HOMER2: variants seen among roughly 807,000 people sequenced by gnomAD.
HOMER2 encodes homer protein homolog 2.
In HOMER2, 27 loss-of-function variants were observed where a neutral mutation model predicts 47.0. The observed-to-expected ratio is 0.57, with a 90% CI of 0.42 to 0.79. HOMER2 has a LOEUF of 0.79. Among genes scored for constraint, HOMER2 ranks in the 30% least tolerant of loss-of-function variants. The pLI, the probability that HOMER2 is intolerant of heterozygous loss-of-function variation, is 0.00. For missense variants in HOMER2, 443 were observed against 435.0 expected (o/e 1.02, Z -0.16); for synonymous variants, 161 against 163.8 (o/e 0.98, Z 0.13).
downstream of HOMER2, chr15:82,836,159 CCTTCCTTT>C (rs2051124028): frequency 6.6e-6 from 1 of 152,290 alleles, no homozygotes; most frequent in African/African-American, 2.4e-5. Context: ...AACCTTCTCT[CCTTCCTTT>C]CTCCCTTTTC....
intron 1 of HOMER2, among the ~76,000 whole-genome samples, chr15:82,894,423 G>T (rs1305410216): frequency 6.6e-6 from 1 of 152,220 alleles, no homozygotes; most frequent in East Asian, 1.9e-4. Context: ...AGCCATCAAC[G>T]TGTAAAAATA....
chr15:82,858,066 T>C (rs999347438), intron 5 of HOMER2, among the ~76,000 whole-genome samples: 5 of 152,202 alleles, frequency 3.3e-5, no homozygotes, highest in African/African-American at 1.2e-4. Flanking sequence ...ATTAAACAAT[T>C]ATTTTATAAA....
At chr15:82,933,740 G>C (rs141078199) in intron 1 of HOMER2, among the ~76,000 whole-genome samples, 2 of 152,302 alleles carry the variant, frequency 1.3e-5, no homozygotes, top group Middle Eastern at 3.4e-3. Flanking sequence ...ACTTCACTAA[G>C]GTCTTCAGAG....
intron 1 of HOMER2, among the ~76,000 whole-genome samples, chr15:82,907,093 G>A (rs190784359): frequency 2.3e-3 from 347 of 152,300 alleles, no homozygotes; most frequent in Admixed American, 4.8e-3. Context: ...GGTGGCTCAC[G>A]CCTATAATCC....
chr15:82,934,843 C>T (rs1381712332), intron 1 of HOMER2, among the ~76,000 whole-genome samples: 1 of 152,252 alleles, frequency 6.6e-6, no homozygotes, highest in Non-Finnish European at 1.5e-5. Context: ...AGCCTTGCCG[C>T]CCACTCCCGG....
intron 1 of HOMER2, among the ~76,000 whole-genome samples, chr15:82,902,838 A>G (rs1380027510): frequency 6.6e-6 from 1 of 152,174 alleles, no homozygotes; most frequent in Non-Finnish European, 1.5e-5. Flanking sequence ...GAAGTTAGAT[A>G]TCTACTTACA....
chr15:82,893,920 T>C (rs1055176282), intron 1 of HOMER2, among the ~76,000 whole-genome samples: 4 of 152,174 alleles, frequency 2.6e-5, no homozygotes, highest in Admixed American at 6.5e-5. Flanking sequence ...CATGAGCCAT[T>C]ATAGGGCATG....
chr15:82,956,748 CTATGAG>C (rs577219864), upstream of HOMER2, among the ~76,000 whole-genome samples: 7 of 152,160 alleles, frequency 4.6e-5, no homozygotes, highest in South Asian at 6.2e-4. Flanking sequence ...TACAGCTGTG[CTATGAG>C]TATAATTATG....
intron 1 of HOMER2, among the ~76,000 whole-genome samples, chr15:82,935,802 G>A (rs781500776): frequency 2.6e-5 from 4 of 152,098 alleles, no homozygotes; most frequent in Non-Finnish European, 5.9e-5. Context: ...TGTCTCCTCT[G>A]TGACCTTCTC....
At chr15:82,938,794 G>GAGTCTC (rs1295870037) in intron 1 of HOMER2, among the ~76,000 whole-genome samples, 7 of 152,134 alleles carry the variant, frequency 4.6e-5, no homozygotes, top group Admixed American at 4.6e-4. Context: ...CTCCCACAGG[G>GAGTCTC]AGTCTCAGTC....
intron 1 of HOMER2, among the ~76,000 whole-genome samples, chr15:82,973,136 T>C (rs1276140819): frequency 6.6e-6 from 1 of 152,228 alleles, no homozygotes; most frequent in Non-Finnish European, 1.5e-5. Flanking sequence ...CAGTGTCTAA[T>C]ATGAAAGCAA....
Position 82,892,801 on chromosome 15 carries a change from T to C in HOMER2, c.46A>G (p.Ile16Val). Reference sequence around the variant, plus strand: ...CAGTTCTTCTTGGTGTTGGGGTCAATCTGGAAGACATGCGCTCGGGTGGTG... The same window carrying C: ...CAGTTCTTCTTGGTGTTGGGGTCAACCTGGAAGACATGCGCTCGGGTGGTG... Reference protein sequence around the residue: ...IFTTRAHVFQIDPNTKKNWMP... With the variant: ...IFTTRAHVFQVDPNTKKNWMP... Residue 16 changes from isoleucine to valine, a missense_variant, in exon 2 of 9, where the codon ATT becomes GTT. By Grantham distance (29) the Ile-to-Val change is conservative (BLOSUM62 3). Coordinates refer to ENST00000450735, the MANE Select transcript of HOMER2 (RefSeq NM_004839.4). 6.2e-7 allele frequency: 1 copy of C among 1,604,826 alleles called. No individual in the cohort carries two copies. The highest frequency in any genetic ancestry group is 8.5e-7 in the Non-Finnish European group (1 of 1,173,608).
intron 2 of HOMER2, among the ~76,000 whole-genome samples, chr15:82,889,773 C>T (rs2052650651): frequency 6.6e-6 from 1 of 152,198 alleles, no homozygotes; most frequent in African/African-American, 2.4e-5. Flanking sequence ...TGATCTAGAC[C>T]TAGGCTGCTG....
chr15:82,864,065 G>T, intron 4 of HOMER2, 102 bp downstream of exon 4: 1 of 669,576 alleles, frequency 1.5e-6, no homozygotes, highest in Non-Finnish European at 2.6e-6. Flanking sequence ...CCTTCAAAAT[G>T]ACCTATTGTC....
intron 5 of HOMER2, among the ~76,000 whole-genome samples, chr15:82,855,059 G>A (rs2051528295): frequency 6.6e-6 from 1 of 152,192 alleles, no homozygotes; most frequent in Non-Finnish European, 1.5e-5. Context: ...TTCTTGGGCC[G>A]GACGCAGTGG....
chr15:82,914,378 TAA>T (rs755003013), intron 1 of HOMER2, among the ~76,000 whole-genome samples: 51 of 108,872 alleles, frequency 4.7e-4, no homozygotes, highest in Non-Finnish European at 4.2e-4. Flanking sequence ...ACTCCATCTT[TAA>T]AAAAAAAAAA....
At chr15:82,904,416 C>T (rs1165648834) in intron 1 of HOMER2, among the ~76,000 whole-genome samples, 1 of 152,180 alleles carries the variant, frequency 6.6e-6, no homozygotes, top group African/African-American at 2.4e-5. Context: ...GGGGCCTGCC[C>T]ACTGTCTTCA....
rs577109025 is a variant in HOMER2 at position 82,984,044 on chromosome 15, T to A, written n.82+1743A>T. Among the ~76,000 whole-genome samples the A allele has an allele frequency of 4.1e-3, 621 of 151,532 alleles. 3 individuals are homozygous for A. The highest frequency in any genetic ancestry group is 0.014 in the African/African-American group (590 of 41,370). On this transcript the variant is annotated intron_variant and non_coding_transcript_variant, in intron 1 of 1. Coordinates refer to the HOMER2 transcript ENST00000500334. Reference sequence around the variant, plus strand: ...TTCAATTATTATTATTATTTTTTTTTTTTTTTGAGACGGAGTCTTGCTCTG... The same window carrying A: ...TTCAATTATTATTATTATTTTTTTTATTTTTTGAGACGGAGTCTTGCTCTG...
At chr15:82,878,045 T>C (rs1179616779) in intron 2 of HOMER2, among the ~76,000 whole-genome samples, 1 of 152,184 alleles carries the variant, frequency 6.6e-6, no homozygotes, top group Non-Finnish European at 1.5e-5. Flanking sequence ...CCTGGTCATC[T>C]CTCAATTACC....
Sources: gnomAD v4.1 joint callset for allele counts (sites outside exome capture counted in the v4.1 genomes callset) on GRCh38, gnomAD v4.1.1 for gene constraint, MANE v1.5 for transcripts, NCBI Gene and HGNC (gene_info 2026-07-23, HGNC 2026-07-21) for gene names.